The following BICDL1 variants were observed in gnomAD, a reference collection of about 807,000 sequenced individuals.
BICDL1 encodes the protein BICD family like cargo adaptor 1, also known as BICD family-like cargo adapter 1.
A neutral mutation model predicts 76.8 loss-of-function variants in BICDL1; 20 were observed. The observed-to-expected ratio is 0.26, with a 90% CI of 0.18 to 0.38. The LOEUF (loss-of-function observed/expected upper bound fraction) is 0.38, where lower values mean the gene tolerates loss of function less well. Among genes scored for constraint, BICDL1 ranks in the 10% least tolerant of loss-of-function variants. The pLI, the probability that BICDL1 is intolerant of heterozygous loss-of-function variation, is 1.00. For missense variants in BICDL1, 700 were observed against 798.6 expected (o/e 0.88, Z 1.49); for synonymous variants, 383 against 337.1 (o/e 1.14, Z -1.49).
At chr12:120,077,898 G>A (rs552310136) in intron 7 of BICDL1, among the ~76,000 whole-genome samples, 56 of 150,168 alleles carry the variant, frequency 3.7e-4, no homozygotes, top group Middle Eastern at 3.4e-3. Context: ...TCAAATAGCA[G>A]GAAGCCTTGA....
intron 4 of BICDL1, among the ~76,000 whole-genome samples, chr12:120,068,701 A>AGCAG (rs1212021221): frequency 6.6e-6 from 1 of 152,250 alleles, no homozygotes. Flanking sequence ...CTGTGGTCCC[A>AGCAG]GCTACTAGGG....
chr12:120,007,682 A>C (rs768859259), intron 2 of BICDL1, among the ~76,000 whole-genome samples: 1 of 152,230 alleles, frequency 6.6e-6, no homozygotes, highest in Non-Finnish European at 1.5e-5. Flanking sequence ...TTCCTCTGAA[A>C]GGTAAACAGA....
Position 120,091,139 on chromosome 12 carries a change from G to A in BICDL1, c.1704+1068G>A. On this transcript the variant is annotated intron_variant, in intron 9 of 9. Transcript: ENST00000548673. ...TGGAGCCTGGCGTCATCTCTGTGCA[G>A]TGTGACATGCCCTCAAGTCCCAGCT... 8.2e-6 allele frequency: 10 copies of A among 1,225,468 alleles called. No individual in the cohort carries two copies. In the South Asian group the frequency reaches 1.4e-4, roughly 18 times the overall value. The allele number at this position is 1,225,468 out of a possible 1,614,324, so 75.9% of individuals were successfully genotyped here. A position where few individuals can be genotyped will look rare whatever the true frequency, so the allele number is the denominator to read the frequency against.
intron 2 of BICDL1, among the ~76,000 whole-genome samples, chr12:120,029,354 AAC>A (rs1041061554): frequency 6.6e-6 from 1 of 152,164 alleles, no homozygotes. Flanking sequence ...CATTCTATAG[AAC>A]ACAGTCTATG....
intron 2 of BICDL1, among the ~76,000 whole-genome samples, chr12:120,026,726 CAGG>C (rs1025616735): frequency 2.0e-5 from 3 of 152,210 alleles, no homozygotes; most frequent in African/African-American, 7.2e-5. Flanking sequence ...GAATTGTGAG[CAGG>C]AGTTTTCTGC....
intron 2 of BICDL1, chr12:120,019,039 C>T (rs1490802161): frequency 3.6e-5 from 5 of 139,242 alleles, no homozygotes; most frequent in Admixed American, 7.4e-5. Context: ...AGCGAGACTC[C>T]GTCTCAAAAA....
intron 3 of BICDL1, among the ~76,000 whole-genome samples, chr12:120,064,441 T>TA (rs1472228053): frequency 6.6e-6 from 1 of 151,786 alleles, no homozygotes; most frequent in Non-Finnish European, 1.5e-5. Context: ...TTTTTTTTTT[T>TA]ATCTTATCTC....
At chr12:120,045,528 A>C in intron 2 of BICDL1, among the ~76,000 whole-genome samples, 1 of 152,310 alleles carries the variant, frequency 6.6e-6, no homozygotes, top group East Asian at 1.9e-4. Flanking sequence ...CCAAATGTCC[A>C]ACAATGATAG....
At chr12:120,016,675 C>T (rs970511881) in intron 2 of BICDL1, among the ~76,000 whole-genome samples, 3 of 151,992 alleles carry the variant, frequency 2.0e-5, no homozygotes, top group Admixed American at 6.6e-5. Context: ...CCATCTTAGC[C>T]TCCCAAAGTG....
intron 2 of BICDL1, among the ~76,000 whole-genome samples, chr12:120,001,311 A>G (rs111842296): frequency 0.026 from 3,895 of 152,168 alleles, 168 homozygotes; most frequent in African/African-American, 0.088. Context: ...CAGTGGCACA[A>G]TCTCAGCTCA....
In BICDL1 at chr12:119,989,791, C is replaced by T. The variant is rs1451317598; in HGVS notation, c.-78C>T. The T allele has an allele frequency of 8.3e-5, 50 of 605,412 alleles. No homozygotes were observed. The Middle Eastern group carries it at 3.3e-3, about 39-fold the overall frequency. The allele number at this position is 605,412 out of a possible 1,614,324, so 37.5% of individuals were successfully genotyped here. A position where few individuals can be genotyped will look rare whatever the true frequency, so the allele number is the denominator to read the frequency against. On this transcript the variant is annotated 5_prime_UTR_variant, in exon 1 of 10. Transcript: ENST00000548673. Reference sequence around the variant, plus strand: ...AGGCGAGGCGCGGGACGCGGGGCGGCGCGGCAGGGCCCCTCCCCCCTGCAG... The same window carrying T: ...AGGCGAGGCGCGGGACGCGGGGCGGTGCGGCAGGGCCCCTCCCCCCTGCAG...
intron 2 of BICDL1, among the ~76,000 whole-genome samples, chr12:120,032,937 G>A (rs1952453492): frequency 6.6e-6 from 1 of 151,760 alleles, no homozygotes; most frequent in African/African-American, 2.4e-5. Context: ...AGTAGAGATA[G>A]GGTTTCACCA....
intron 1 of BICDL1, 72 bp downstream of exon 1, chr12:119,990,369 G>A (rs1951493420): frequency 2.0e-6 from 3 of 1,524,608 alleles, no homozygotes; most frequent in Non-Finnish European, 2.6e-6. Context: ...TGGGCAGTTA[G>A]GGAACCACTC....
chr12:119,991,191 C>T (rs1367256728), intron 1 of BICDL1, among the ~76,000 whole-genome samples: 1 of 152,100 alleles, frequency 6.6e-6, no homozygotes, highest in Non-Finnish European at 1.5e-5. Context: ...CTGTGACTTA[C>T]CTTTCCTGCC....
chr12:119,996,994 G>A (rs1951663234), intron 1 of BICDL1, among the ~76,000 whole-genome samples: 1 of 151,610 alleles, frequency 6.6e-6, no homozygotes, highest in Non-Finnish European at 1.5e-5. Flanking sequence ...CGTCGTCCGG[G>A]CTAGAGTGCA....
intron 1 of BICDL1, among the ~76,000 whole-genome samples, chr12:119,996,545 CAAGAT>C (rs1301986123): frequency 3.9e-5 from 6 of 152,112 alleles, no homozygotes; most frequent in African/African-American, 9.7e-5. Context: ...TATAGCCTCT[CAAGAT>C]AAGGAGATGA....
At chr12:120,091,182 C>T (rs1355637548) in intron 9 of BICDL1, 16 of 1,200,266 alleles carry the variant, frequency 1.3e-5, no homozygotes, top group Middle Eastern at 3.6e-4. Context: ...CCATCACAGT[C>T]GCGTCCAGTG....
intron 8 of BICDL1, 78 bp from the exon 9 acceptor site, chr12:120,089,873 A>C (rs1271963013): frequency 1.3e-6 from 2 of 1,537,904 alleles, no homozygotes; most frequent in Admixed American, 3.8e-5. Flanking sequence ...TCATCCTGGG[A>C]CTCCAGGTGC....
chr12:119,995,420 C>G (rs1951621918), intron 1 of BICDL1, among the ~76,000 whole-genome samples: 1 of 152,186 alleles, frequency 6.6e-6, no homozygotes, highest in South Asian at 2.1e-4. Flanking sequence ...GTCCTCAGCC[C>G]TGCCCCCAAG....
Sources: allele counts gnomAD v4.1 joint callset (sites outside exome capture counted in the v4.1 genomes callset), GRCh38; gene constraint gnomAD v4.1.1; transcripts MANE v1.5; gene names NCBI Gene and HGNC (gene_info 2026-07-23, HGNC 2026-07-21).